PDZD9: variants seen among roughly 807,000 people sequenced by gnomAD.
PDZD9 encodes PDZ domain-containing protein 9.
PDZD9 carries 13 observed loss-of-function variants against 16.3 expected under a neutral mutation model. The observed-to-expected ratio is 0.80, with a 90% CI of 0.52 to 1.27. PDZD9 has a LOEUF of 1.27. PDZD9 is among the 50% of genes most tolerant of loss of function. The pLI is 0.00. For synonymous variants in PDZD9, 120 were observed against 111.0 expected, an observed-to-expected ratio of 1.08 and a Z score of -0.51; for missense variants, 288 against 310.9, an observed-to-expected ratio of 0.93 and a Z score of 0.55.
At chr16:21,980,788 A>G (rs934183790), downstream of PDZD9, 6 of 1,499,044 alleles carry the variant, frequency 4.0e-6, no homozygotes, top group Non-Finnish European at 4.5e-6. Flanking sequence ...GTCCTTGGGC[A>G]GTGTATTATT....
chr16:21,984,207 C>G lies in PDZD9; in HGVS notation c.*60G>C. 1 of 1,534,450 alleles carries G rather than the reference C, an allele frequency of 6.5e-7. No homozygotes were observed. The highest frequency in any genetic ancestry group is 1.4e-5 in the African/African-American group (1 of 72,716). On this transcript the variant is annotated 3_prime_UTR_variant, in exon 4 of 4. Coordinates refer to ENST00000424898, the MANE Select transcript of PDZD9 (RefSeq NM_001363519.1). ...CCTTGATAAGTACAGCAAACTTGTG[C>G]CTGGTGAGGCACAAAACTTGGGTGT...
At chr16:21,972,611 A>G in the PDZD9 span, among the ~76,000 whole-genome samples, 3 of 152,312 alleles carry the variant, frequency 2.0e-5, no homozygotes, top group East Asian at 5.8e-4. Context: ...ACAGTGGCTC[A>G]CAACTAAAAT....
chr16:21,964,784 T>G, the PDZD9 span, among the ~76,000 whole-genome samples: 1 of 152,220 alleles, frequency 6.6e-6, no homozygotes, highest in Non-Finnish European at 1.5e-5. Flanking sequence ...CTCTTAAAAT[T>G]TGAGGGCAGG....
chr16:21,988,927 C>CT, intron 2 of PDZD9, 136 bp from the exon 3 acceptor site: 6 of 598,278 alleles, frequency 1.0e-5, no homozygotes, highest in South Asian at 3.2e-5. Context: ...CAGGCTTCAG[C>CT]CTTTTTTTTT....
chr16:21,965,326 A>T, the PDZD9 span: 13 of 1,334,176 alleles, frequency 9.7e-6, no homozygotes, highest in Non-Finnish European at 1.4e-5. Context: ...AAATTTGTAT[A>T]GGCTTGTTGC....
the PDZD9 span, among the ~76,000 whole-genome samples, chr16:21,972,932 T>G: frequency 2.0e-5 from 3 of 152,114 alleles, no homozygotes; most frequent in Admixed American, 6.5e-5. Flanking sequence ...AAACCCTGTC[T>G]CTACTAAAAA....
the PDZD9 span, chr16:21,976,498 C>T: frequency 2.7e-6 from 1 of 368,482 alleles, no homozygotes; most frequent in Admixed American, 4.3e-5. Context: ...TTGAGACCAG[C>T]TTGGGCAACA....
chr16:21,979,799 T>C (rs1898672543), downstream of PDZD9, among the ~76,000 whole-genome samples: 1 of 152,184 alleles, frequency 6.6e-6, no homozygotes, highest in Non-Finnish European at 1.5e-5. Flanking sequence ...TGTCAGTAAG[T>C]AATAGGAATC....
chr16:21,970,235 G>A, the PDZD9 span, among the ~76,000 whole-genome samples: 1 of 151,978 alleles, frequency 6.6e-6, no homozygotes, highest in Non-Finnish European at 1.5e-5. Context: ...TCTACCTTTT[G>A]GCTGTCGTAA....
downstream of PDZD9, chr16:21,983,051 T>A (rs576965308): frequency 1.5e-5 from 24 of 1,593,400 alleles, no homozygotes; most frequent in Non-Finnish European, 2.0e-5. Context: ...TATATTTTTA[T>A]TTTTGTTAAT....
At chr16:21,976,302 C>T in the PDZD9 span, 1 of 1,383,670 alleles carries the variant, frequency 7.2e-7, no homozygotes, top group Non-Finnish European at 1.0e-6. Flanking sequence ...GTATTCTTTT[C>T]AGATTATAAC....
At chr16:21,974,280 A>G in the PDZD9 span, among the ~76,000 whole-genome samples, 1 of 152,170 alleles carries the variant, frequency 6.6e-6, no homozygotes, top group South Asian at 2.1e-4. Context: ...CAGGAGGTTT[A>G]TTTGCAAGTC....
At chr16:21,961,666 A>ATATATATG in the PDZD9 span, among the ~76,000 whole-genome samples, 3 of 111,112 alleles carry the variant, frequency 2.7e-5, no homozygotes, top group Non-Finnish European at 5.3e-5. Context: ...ATATATATAT[A>ATATATATG]TATTTTAGAC....
At chr16:21,994,762 C>A (rs1303575788) in intron 2 of PDZD9, among the ~76,000 whole-genome samples, 1 of 152,150 alleles carries the variant, frequency 6.6e-6, no homozygotes, top group African/African-American at 2.4e-5. Context: ...GTCCCTGAAT[C>A]CCCACTTAGG....
the PDZD9 span, among the ~76,000 whole-genome samples, chr16:21,967,253 G>A: frequency 6.6e-6 from 1 of 152,048 alleles, no homozygotes; most frequent in African/African-American, 2.4e-5. Context: ...TTCATTTTAG[G>A]GCACGGATTA....
the PDZD9 span, among the ~76,000 whole-genome samples, chr16:21,960,703 C>T: frequency 3.9e-5 from 6 of 151,974 alleles, no homozygotes; most frequent in Non-Finnish European, 2.9e-5. Flanking sequence ...GGGCCATTGT[C>T]GGGTTATTCA....
intron 1 of PDZD9, 57 bp from the exon 2 acceptor site, chr16:21,996,558 A>G: frequency 1.4e-6 from 2 of 1,447,416 alleles, no homozygotes; most frequent in Admixed American, 4.2e-5. Context: ...GCATGGCCAT[A>G]CCTACTGGGG....
the PDZD9 span, among the ~76,000 whole-genome samples, chr16:21,964,604 T>C: frequency 6.6e-6 from 1 of 152,216 alleles, no homozygotes; most frequent in Non-Finnish European, 1.5e-5. Flanking sequence ...CCTAAAATGC[T>C]GTTCCCAAAT....
chr16:21,975,231 C>T, the PDZD9 span, among the ~76,000 whole-genome samples: 1 of 152,106 alleles, frequency 6.6e-6, no homozygotes, highest in African/African-American at 2.4e-5. Flanking sequence ...ATTCAGGGAT[C>T]TAGGCTCAAT....
Sources: gnomAD v4.1 joint callset for allele counts (sites outside exome capture counted in the v4.1 genomes callset) on GRCh38, gnomAD v4.1.1 for gene constraint, MANE v1.5 for transcripts, NCBI Gene and HGNC (gene_info 2026-07-23, HGNC 2026-07-21) for gene names.